JAKMIP2: variants seen among roughly 807,000 people sequenced by gnomAD.
The protein encoded by JAKMIP2 is janus kinase and microtubule interacting protein 2.
A neutral mutation model predicts 115.0 loss-of-function variants in JAKMIP2; 25 were observed. The observed-to-expected ratio is 0.22, with a 90% CI of 0.16 to 0.30. The LOEUF (loss-of-function observed/expected upper bound fraction) is 0.30, where lower values mean the gene tolerates loss of function less well. Ranked by LOEUF, JAKMIP2 falls within the 10% of genes least tolerant of loss-of-function variation. The pLI is 1.00. For synonymous variants in JAKMIP2, 334 were observed against 343.6 expected (o/e 0.97, Z 0.31); for missense variants, 642 against 957.6 (o/e 0.67, Z 4.35).
chr5:147,694,137 A>G (rs559451224), intron 1 of JAKMIP2, among the ~76,000 whole-genome samples: 1 of 152,218 alleles, frequency 6.6e-6, no homozygotes, highest in East Asian at 1.9e-4. Flanking sequence ...CTGGTGTCAA[A>G]TGTGATCACT....
In JAKMIP2 at chr5:147,590,785, G is replaced by C. The variant is rs1047485230; in HGVS notation, c.*922C>G. ...CCTATAGATGTTGGCGTTCTAAACA[G>C]AACTAAGTCAGGGAGCATGTGATTT... On this transcript the variant is annotated 3_prime_UTR_variant, in exon 22 of 22. Coordinates refer to ENST00000616793, the MANE Select transcript of JAKMIP2 (RefSeq NM_001270941.2). 1 of 152,192 alleles carries C rather than the reference G, an allele frequency of 6.6e-6. No individual in the cohort carries two copies. Among genetic ancestry groups the C allele is most frequent in the Non-Finnish European group, 1.5e-5 (1 of 68,040 alleles). 9.4% of individuals were successfully genotyped at this position (152,192 alleles called of 1,614,324 possible).
intron 1 of JAKMIP2, among the ~76,000 whole-genome samples, chr5:147,725,730 C>T (rs2126955517): frequency 6.6e-6 from 1 of 152,236 alleles, no homozygotes; most frequent in Admixed American, 6.5e-5. Context: ...AGGTTAGAGT[C>T]CTTCCTAAGA....
intron 16 of JAKMIP2, among the ~76,000 whole-genome samples, chr5:147,628,030 A>C (rs1757184071): frequency 6.7e-6 from 1 of 148,956 alleles, no homozygotes; most frequent in African/African-American, 2.5e-5. Context: ...TTTTTAAAGG[A>C]GATGGAGTCT....
intron 20 of JAKMIP2, among the ~76,000 whole-genome samples, chr5:147,611,576 C>T (rs2126625999): frequency 6.6e-6 from 1 of 152,318 alleles, no homozygotes; most frequent in African/African-American, 2.4e-5. Flanking sequence ...GCAGAAATCA[C>T]CTGCCTTCTG....
At chr5:147,697,538 G>C (rs1752152893) in intron 1 of JAKMIP2, among the ~76,000 whole-genome samples, 1 of 152,196 alleles carries the variant, frequency 6.6e-6, no homozygotes, top group Admixed American at 6.5e-5. Context: ...AGGCCTGGAG[G>C]CCTAGAAGGA....
chr5:147,637,931 G>A (rs1757700795), intron 10 of JAKMIP2, among the ~76,000 whole-genome samples: 1 of 151,816 alleles, frequency 6.6e-6, no homozygotes, highest in Non-Finnish European at 1.5e-5. Flanking sequence ...TTTACAATCT[G>A]GATAGGTTTT....
intron 1 of JAKMIP2, among the ~76,000 whole-genome samples, chr5:147,755,431 C>T (rs761269308): frequency 4.6e-5 from 7 of 152,136 alleles, no homozygotes; most frequent in Non-Finnish European, 2.9e-5. Context: ...GGCTGTGTCA[C>T]GGGCTCATCC....
At chr5:147,620,405 C>T (rs1226847973) in intron 18 of JAKMIP2, among the ~76,000 whole-genome samples, 1 of 152,008 alleles carries the variant, frequency 6.6e-6, no homozygotes, top group African/African-American at 2.4e-5. Flanking sequence ...CATGAGGCAC[C>T]ACGTCTGGCC....
At position 147,612,299 on chromosome 5, in the gene JAKMIP2, C is replaced by T. The variant is rs903940375; in HGVS notation, c.2412+7G>A. On this transcript the variant is annotated splice_region_variant and intron_variant, in intron 20 of 21. Coordinates refer to ENST00000616793, the MANE Select transcript of JAKMIP2 (RefSeq NM_001270941.2). ...ATAATAAGATAGTTATTGAATTTGA[C>T]ACCTACCTTTTCTTCTAAGTCTTTT... 2.7e-6 allele frequency: 4 copies of T among 1,496,762 alleles called. No homozygotes were observed. Among genetic ancestry groups the T allele is most frequent in the South Asian group, 2.3e-5 (2 of 87,560 alleles). 92.7% of individuals were successfully genotyped at this position (1,496,762 alleles called of 1,614,324 possible). A position where few individuals can be genotyped will look rare whatever the true frequency, so the allele number is the denominator to read the frequency against.
At chr5:147,689,838 T>C (rs1267369981) in intron 1 of JAKMIP2, among the ~76,000 whole-genome samples, 4 of 152,082 alleles carry the variant, frequency 2.6e-5, no homozygotes, top group African/African-American at 9.7e-5. Flanking sequence ...CATACACAGT[T>C]TTAGGGGCTG....
chr5:147,697,207 G>A (rs1752140125), intron 1 of JAKMIP2, among the ~76,000 whole-genome samples: 1 of 152,104 alleles, frequency 6.6e-6, no homozygotes, highest in Non-Finnish European at 1.5e-5. Flanking sequence ...CATGGCAGGA[G>A]GTGAAAGGCA....
intron 1 of JAKMIP2, among the ~76,000 whole-genome samples, chr5:147,689,005 A>T (rs186232705): frequency 8.7e-4 from 132 of 152,348 alleles, no homozygotes; most frequent in Non-Finnish European, 1.7e-3. Context: ...TACAGAACAG[A>T]GGTCGACAGG....
At chr5:147,596,210 T>C (rs1755383536) in intron 21 of JAKMIP2, among the ~76,000 whole-genome samples, 1 of 152,148 alleles carries the variant, frequency 6.6e-6, no homozygotes, top group Non-Finnish European at 1.5e-5. Flanking sequence ...CTTTTTTTTT[T>C]TTTAACTTGT....
chr5:147,641,431 T>A (rs1757874941), intron 8 of JAKMIP2, among the ~76,000 whole-genome samples: 1 of 152,200 alleles, frequency 6.6e-6, no homozygotes, highest in South Asian at 2.1e-4. Flanking sequence ...CTCCAACTTG[T>A]CAGGTAATCC....
At chr5:147,772,867 T>C (rs903397731) in intron 1 of JAKMIP2, among the ~76,000 whole-genome samples, 1 of 152,056 alleles carries the variant, frequency 6.6e-6, no homozygotes, top group African/African-American at 2.4e-5. Flanking sequence ...AAATGCCTAC[T>C]TCACCAGCCT....
Position 147,674,848 on chromosome 5 carries a change from G to A in JAKMIP2, c.-148-2894C>T, listed in dbSNP as rs563668999. Among the ~76,000 whole-genome samples, 6 of 152,258 alleles carry A rather than the reference G, an allele frequency of 3.9e-5. No homozygotes were observed. The South Asian group carries it at 6.2e-4, about 16-fold the overall frequency. On this transcript the variant is annotated intron_variant, in intron 1 of 21. Transcript: ENST00000616793. Reference sequence around the variant, plus strand: ...CTTTTTCTCTGGACTGCACTGCCTTGTATTTGCATTTTAGGAAGGTAACTG... The same window carrying A: ...CTTTTTCTCTGGACTGCACTGCCTTATATTTGCATTTTAGGAAGGTAACTG...
chr5:147,743,883 G>A (rs1034134559), intron 1 of JAKMIP2, among the ~76,000 whole-genome samples: 1 of 152,198 alleles, frequency 6.6e-6, no homozygotes, highest in Non-Finnish European at 1.5e-5. Flanking sequence ...ATTTTTCCAA[G>A]GCTAATCAGA....
At chr5:147,753,546 T>C (rs1219857559) in intron 1 of JAKMIP2, among the ~76,000 whole-genome samples, 3 of 152,212 alleles carry the variant, frequency 2.0e-5, no homozygotes, top group Non-Finnish European at 4.4e-5. Flanking sequence ...CCACACGATA[T>C]GGTCAAGTCT....
In JAKMIP2 at chr5:147,623,388, C is replaced by A. The variant is rs3763088; in HGVS notation, c.2064+233G>T. 6.3e-3 allele frequency among the ~76,000 whole-genome samples: 955 copies of A among 152,098 alleles called. 51 individuals are homozygous for A. The East Asian group carries it at 0.13, about 21-fold the overall frequency. On this transcript the variant is annotated intron_variant, in intron 17 of 21. Coordinates refer to ENST00000616793, the MANE Select transcript of JAKMIP2 (RefSeq NM_001270941.2). ...AGAAAACATAAGAAAACTCAATTTT[C>A]TTCGGCATTAGTTTTGGATATTTTC...
Sources: gnomAD v4.1 joint callset for allele counts (sites outside exome capture counted in the v4.1 genomes callset) on GRCh38, gnomAD v4.1.1 for gene constraint, MANE v1.5 for transcripts, NCBI Gene and HGNC (gene_info 2026-07-23, HGNC 2026-07-21) for gene names.